DSCAML1: variants seen among roughly 807,000 people sequenced by gnomAD.
DSCAML1 encodes cell adhesion molecule DSCAML1.
Under a neutral mutation model 200.5 loss-of-function variants are expected in DSCAML1, and 38 were observed. The observed-to-expected ratio is 0.19, with a 90% CI of 0.15 to 0.25. DSCAML1 has a LOEUF of 0.25. Ranked by LOEUF, DSCAML1 falls within the 10% of genes least tolerant of loss-of-function variation. DSCAML1 has a pLI of 1.00. For missense variants in DSCAML1, 2,223 were observed against 2,858.8 expected, an observed-to-expected ratio of 0.78 and a Z score of 5.07; for synonymous variants, 1,215 against 1,165.0, an observed-to-expected ratio of 1.04 and a Z score of -0.87.
At chr11:117,630,396 C>T (rs12361420) in intron 3 of DSCAML1, among the ~76,000 whole-genome samples, 1 of 152,122 alleles carries the variant, frequency 6.6e-6, no homozygotes, top group Admixed American at 6.5e-5. Flanking sequence ...ACACACAGAT[C>T]TCCACTCCCA....
At chr11:117,701,554 C>A (rs570575994) in intron 3 of DSCAML1, among the ~76,000 whole-genome samples, 1 of 152,168 alleles carries the variant, frequency 6.6e-6, no homozygotes, top group African/African-American at 2.4e-5. Flanking sequence ...AGCTGGCTGC[C>A]GGCTGGGGAA....
intron 3 of DSCAML1, among the ~76,000 whole-genome samples, chr11:117,550,387 T>G (rs1288153172): frequency 6.6e-6 from 1 of 152,118 alleles, no homozygotes; most frequent in African/African-American, 2.4e-5. Context: ...CCACATTCCT[T>G]CAGGACAGAG....
chr11:117,484,869 C>T (rs973880163), intron 11 of DSCAML1, among the ~76,000 whole-genome samples: 6 of 148,256 alleles, frequency 4.0e-5, no homozygotes, highest in African/African-American at 1.5e-4. Flanking sequence ...GCTGAAGCCA[C>T]AGAGAAGCAG....
intron 3 of DSCAML1, among the ~76,000 whole-genome samples, chr11:117,571,159 G>C (rs890551674): frequency 6.6e-6 from 1 of 152,342 alleles, no homozygotes; most frequent in Admixed American, 6.5e-5. Context: ...TCACGCCTGT[G>C]CCCAGGGCCC....
intron 3 of DSCAML1, among the ~76,000 whole-genome samples, chr11:117,547,553 G>A (rs547146685): frequency 6.6e-6 from 1 of 152,256 alleles, no homozygotes; most frequent in Admixed American, 6.5e-5. Context: ...GCAGCTAGGA[G>A]GTGGTAGGAA....
chr11:117,787,900 T>C (rs1802150089), intron 1 of DSCAML1, among the ~76,000 whole-genome samples: 1 of 152,150 alleles, frequency 6.6e-6, no homozygotes, highest in African/African-American at 2.4e-5. Flanking sequence ...GGGAGATGTG[T>C]TATGTGCCCT....
At chr11:117,765,177 C>G (rs1258223787) in intron 3 of DSCAML1, among the ~76,000 whole-genome samples, 1 of 152,238 alleles carries the variant, frequency 6.6e-6, no homozygotes, top group Non-Finnish European at 1.5e-5. Flanking sequence ...CCCAGGGCCC[C>G]TCCTGCCCTC....
chr11:117,777,074 G>T, intron 2 of DSCAML1, 137 bp from the exon 3 acceptor site: 1 of 916,344 alleles, frequency 1.1e-6, no homozygotes, highest in East Asian at 2.7e-5. Context: ...CCCCCATCCT[G>T]CTTAGCCAGC....
intron 4 of DSCAML1, among the ~76,000 whole-genome samples, chr11:117,529,251 T>C (rs1313668117): frequency 1.3e-5 from 2 of 152,096 alleles, no homozygotes; most frequent in East Asian, 3.9e-4. Flanking sequence ...CTAACGTTTG[T>C]ATTTTTAGTA....
intron 1 of DSCAML1, among the ~76,000 whole-genome samples, chr11:117,789,458 C>T (rs1451057575): frequency 6.6e-6 from 1 of 152,140 alleles, no homozygotes; most frequent in Admixed American, 6.5e-5. Context: ...CCTCCATTCA[C>T]AAGGCCTAGA....
At chr11:117,650,725 G>C (rs2052616268) in intron 3 of DSCAML1, among the ~76,000 whole-genome samples, 1 of 151,584 alleles carries the variant, frequency 6.6e-6, no homozygotes, top group Admixed American at 6.6e-5. Context: ...GGTGGGGATT[G>C]GGGTTCCCAG....
At chr11:117,441,585 G>T (rs11821451) in intron 21 of DSCAML1, among the ~76,000 whole-genome samples, 1 of 151,862 alleles carries the variant, frequency 6.6e-6, no homozygotes, top group Non-Finnish European at 1.5e-5. Flanking sequence ...CTGGGAGATC[G>T]CCAGGCCCAG....
chr11:117,585,407 G>A (rs952314388), intron 3 of DSCAML1, among the ~76,000 whole-genome samples: 1 of 151,930 alleles, frequency 6.6e-6, no homozygotes, highest in African/African-American at 2.4e-5. Flanking sequence ...CCACCACCAC[G>A]CCCAGCTAAC....
At chr11:117,632,721 T>G (rs2052200158) in intron 3 of DSCAML1, among the ~76,000 whole-genome samples, 1 of 152,154 alleles carries the variant, frequency 6.6e-6, no homozygotes, top group Admixed American at 6.5e-5. Flanking sequence ...AAAGTTCAGG[T>G]TTGCGTGGGT....
At chr11:117,730,225 G>A (rs528526911) in intron 3 of DSCAML1, among the ~76,000 whole-genome samples, 7 of 152,182 alleles carry the variant, frequency 4.6e-5, no homozygotes, top group African/African-American at 9.6e-5. Flanking sequence ...AGTGGAATCC[G>A]GAATCAAAAT....
chr11:117,810,226 CAAACTCCGTGGACCCA>C lies in DSCAML1; in HGVS notation c.-250+7148_-250+7163del, dbSNP rs1225993062. Among the ~76,000 whole-genome samples, 569 of 150,358 alleles carry C rather than the reference CAAACTCCGTGGACCCA, an allele frequency of 3.8e-3. 2 individuals carry two copies. Among genetic ancestry groups the C allele is most frequent in the African/African-American group, 0.013 (508 of 39,866 alleles). On this transcript the variant is annotated intron_variant, in intron 1 of 2. Transcript: ENST00000525836. ...ACGTGGACCCAAAACTCCGTGGACC[CAAACTCCGTGGACCCA>C]AAACTCCGTGGACTCAAAACTCCAG... is the stretch of plus-strand genomic sequence containing the variant.
intron 11 of DSCAML1, among the ~76,000 whole-genome samples, chr11:117,485,438 G>A (rs1411916140): frequency 6.6e-6 from 1 of 152,198 alleles, no homozygotes; most frequent in African/African-American, 2.4e-5. Context: ...TAGTTCAGGG[G>A]AGCCCGTTCA....
chr11:117,488,171 C>G (rs528751330), intron 11 of DSCAML1, among the ~76,000 whole-genome samples: 1 of 152,228 alleles, frequency 6.6e-6, no homozygotes, highest in African/African-American at 2.4e-5. Flanking sequence ...CTGTGCCCCT[C>G]CATCCGGCCC....
intron 20 of DSCAML1, among the ~76,000 whole-genome samples, chr11:117,445,512 T>G (rs2048160491): frequency 1.3e-5 from 2 of 152,200 alleles, no homozygotes; most frequent in Non-Finnish European, 2.9e-5. Context: ...AGGTTGCCCA[T>G]AGTTTCTGGA....
Sources: gnomAD v4.1 joint callset for allele counts (sites outside exome capture counted in the v4.1 genomes callset) on GRCh38, gnomAD v4.1.1 for gene constraint, MANE v1.5 for transcripts, NCBI Gene and HGNC (gene_info 2026-07-23, HGNC 2026-07-21) for gene names.